The following ADAM12 variants were observed in gnomAD, a reference collection of about 807,000 sequenced individuals.
ADAM12 encodes the protein disintegrin and metalloproteinase domain-containing protein 12.
A neutral mutation model predicts 106.4 loss-of-function variants in ADAM12; 70 were observed. The ratio of observed to expected loss-of-function variants is 0.66; its 90% CI spans 0.54 to 0.80. The LOEUF is 0.80. Ranked by LOEUF, ADAM12 falls within the 30% of genes least tolerant of loss-of-function variation. ADAM12 has a pLI of 0.00. For missense variants in ADAM12, 1,010 were observed against 1,171.9 expected, an observed-to-expected ratio of 0.86 and a Z score of 2.02; for synonymous variants, 420 against 433.5, an observed-to-expected ratio of 0.97 and a Z score of 0.39.
At chr10:126,295,671 C>A (rs1022926872) in intron 2 of ADAM12, among the ~76,000 whole-genome samples, 1 of 152,038 alleles carries the variant, frequency 6.6e-6, no homozygotes, top group African/African-American at 2.4e-5. Context: ...TAATAAATGT[C>A]TTCTCAATAA....
At chr10:126,025,907 G>A (rs1205273443) in intron 21 of ADAM12, among the ~76,000 whole-genome samples, 1 of 152,144 alleles carries the variant, frequency 6.6e-6, no homozygotes, top group Non-Finnish European at 1.5e-5. Context: ...CAGCCAGAGA[G>A]AAAAACCAGG....
At chr10:126,332,994 A>G (rs1055024595) in intron 1 of ADAM12, among the ~76,000 whole-genome samples, 9 of 152,222 alleles carry the variant, frequency 5.9e-5, no homozygotes, top group Admixed American at 5.9e-4. Context: ...AGGCAGCTTT[A>G]AAATACTAGC....
intron 1 of ADAM12, among the ~76,000 whole-genome samples, chr10:126,335,055 A>G (rs901240389): frequency 6.6e-6 from 1 of 152,246 alleles, no homozygotes; most frequent in Non-Finnish European, 1.5e-5. Context: ...AGCTTAATGC[A>G]TGAAATCCGT....
intron 11 of ADAM12, among the ~76,000 whole-genome samples, chr10:126,093,283 C>G (rs1955498976): frequency 6.6e-6 from 1 of 152,190 alleles, no homozygotes; most frequent in South Asian, 2.1e-4. Context: ...AATCTCTAAT[C>G]CCTCCAAGGT....
At chr10:126,139,104 C>A (rs926640797) in intron 4 of ADAM12, among the ~76,000 whole-genome samples, 1 of 152,158 alleles carries the variant, frequency 6.6e-6, no homozygotes, top group African/African-American at 2.4e-5. Context: ...CAATTTTAAG[C>A]TACACAATAA....
intron 1 of ADAM12, among the ~76,000 whole-genome samples, chr10:126,364,345 A>G (rs1338606309): frequency 2.4e-5 from 2 of 82,636 alleles, no homozygotes; most frequent in Non-Finnish European, 6.0e-5. Context: ...TAAAGCAATA[A>G]CATTTCAGGG....
chr10:126,354,449 G>GGCACTC (rs1855469488), intron 1 of ADAM12, among the ~76,000 whole-genome samples: 2 of 26,494 alleles, frequency 7.5e-5, no homozygotes, highest in African/African-American at 1.7e-4. Context: ...GCATGCAGTA[G>GGCACTC]AACGTCTGCG....
Position 126,124,895 on chromosome 10 carries a change from C to CAAAAAAA in ADAM12, c.417-6678_417-6672dup, listed in dbSNP as rs376810493. Among the ~76,000 whole-genome samples the CAAAAAAA allele has an allele frequency of 2.9e-4, 25 of 85,924 alleles. 1 individual carries two copies. The highest frequency in any genetic ancestry group is 7.0e-4 in the African/African-American group (15 of 21,468). 56.4% of individuals were successfully genotyped at this position (85,924 alleles called of 152,430 possible). ...TGACACAGTGAGTGAGACACCGTCTCAAAAAAAAAAAAAAAAGAAAAAGAA... is the reference window on the plus strand; with the variant it reads ...TGACACAGTGAGTGAGACACCGTCTCAAAAAAAAAAAAAAAAAAAAAAAGAAAAAGAA... On this transcript the variant is annotated intron_variant, in intron 5 of 22. Coordinates refer to ENST00000448723, the MANE Select transcript of ADAM12 (RefSeq NM_001288973.2).
At chr10:126,024,801 A>G (rs933389952) in intron 21 of ADAM12, among the ~76,000 whole-genome samples, 3 of 151,978 alleles carry the variant, frequency 2.0e-5, no homozygotes, top group African/African-American at 7.2e-5. Context: ...ATAAAATTTG[A>G]TTATACACTA....
intron 1 of ADAM12, among the ~76,000 whole-genome samples, chr10:126,339,559 G>A (rs1854844516): frequency 6.6e-6 from 1 of 152,182 alleles, no homozygotes; most frequent in Non-Finnish European, 1.5e-5. Flanking sequence ...CTCATCACCT[G>A]CAGGTTCTCC....
chr10:126,090,714 A>C (rs1348353426), intron 11 of ADAM12: 2 of 152,244 alleles, frequency 1.3e-5, no homozygotes, highest in Non-Finnish European at 2.9e-5. Flanking sequence ...AACTGAAGTC[A>C]CACAAGTCTT....
At chr10:126,031,572 A>G (rs1424030068) in intron 21 of ADAM12, among the ~76,000 whole-genome samples, 2 of 152,234 alleles carry the variant, frequency 1.3e-5, no homozygotes, top group South Asian at 4.1e-4. Context: ...CCAGCTCATC[A>G]TTCATCACCT....
intron 8 of ADAM12, among the ~76,000 whole-genome samples, chr10:126,107,769 G>C (rs555589954): frequency 1.3e-5 from 2 of 151,984 alleles, no homozygotes; most frequent in African/African-American, 2.4e-5. Flanking sequence ...CCTCCCCCCC[G>C]CCCTGCCCCT....
chr10:126,193,904 G>GAAATA (rs142749355), intron 3 of ADAM12, among the ~76,000 whole-genome samples: 28,117 of 145,036 alleles, frequency 0.19, 2,900 homozygotes, highest in Middle Eastern at 0.28. Context: ...GAAATAAAAT[G>GAAATA]AAATAAAATA....
chr10:126,054,976 A>G (rs1232987131), intron 14 of ADAM12, among the ~76,000 whole-genome samples: 1 of 152,086 alleles, frequency 6.6e-6, no homozygotes, highest in Non-Finnish European at 1.5e-5. Flanking sequence ...CATCTCCCTC[A>G]CACTTCATGG....
At chr10:126,315,223 C>T (rs1405275186) in intron 2 of ADAM12, among the ~76,000 whole-genome samples, 1 of 152,132 alleles carries the variant, frequency 6.6e-6, no homozygotes, top group Non-Finnish European at 1.5e-5. Flanking sequence ...CATGTGTTGT[C>T]TTCGAGGGTA....
intron 4 of ADAM12, among the ~76,000 whole-genome samples, chr10:126,153,858 T>G (rs1437750577): frequency 6.6e-6 from 1 of 152,210 alleles, no homozygotes; most frequent in African/African-American, 2.4e-5. Context: ...GGAATTCCAT[T>G]CCTACGCTGG....
intron 3 of ADAM12, among the ~76,000 whole-genome samples, chr10:126,211,810 T>A (rs1208796032): frequency 6.6e-6 from 1 of 152,100 alleles, no homozygotes; most frequent in East Asian, 1.9e-4. Flanking sequence ...TGTGGACAGA[T>A]CCAGATGGAT....
chr10:126,345,194 T>G (rs534765750), intron 1 of ADAM12, among the ~76,000 whole-genome samples: 2 of 152,352 alleles, frequency 1.3e-5, no homozygotes, highest in African/African-American at 4.8e-5. Flanking sequence ...TTGAGATACA[T>G]CCCATCAATA....
Sources: allele counts gnomAD v4.1 joint callset (sites outside exome capture counted in the v4.1 genomes callset), GRCh38; gene constraint gnomAD v4.1.1; transcripts MANE v1.5; gene names NCBI Gene and HGNC (gene_info 2026-07-23, HGNC 2026-07-21).